Variants in MGMT observed in about 807,000 individuals in gnomAD.
MGMT encodes O-6-methylguanine-DNA methyltransferase.
Under a neutral mutation model 15.9 loss-of-function variants are expected in MGMT, and 14 were observed. The ratio of observed to expected loss-of-function variants is 0.88; its 90% CI spans 0.58 to 1.37. MGMT has a LOEUF of 1.37. MGMT is among the 40% of genes most tolerant of loss of function. The pLI is 0.00. For missense variants in MGMT, 282 were observed against 268.1 expected (o/e 1.05, Z -0.36); for synonymous variants, 130 against 118.2 (o/e 1.10, Z -0.65).
chr10:129,525,628 G>T (rs1050367011), intron 1 of MGMT, among the ~76,000 whole-genome samples: 1 of 152,062 alleles, frequency 6.6e-6, no homozygotes, highest in Non-Finnish European at 1.5e-5. Flanking sequence ...TGTGCGGTGC[G>T]GGGCCGGCTC....
intron 1 of MGMT, among the ~76,000 whole-genome samples, chr10:129,505,638 C>G (rs1845617538): frequency 1.3e-5 from 2 of 152,142 alleles, no homozygotes; most frequent in African/African-American, 4.8e-5. Context: ...CAAGTCTTTG[C>G]TTGCTTATTG....
At chr10:129,711,132 A>G (rs1848228168) in intron 3 of MGMT, among the ~76,000 whole-genome samples, 1 of 152,170 alleles carries the variant, frequency 6.6e-6, no homozygotes, top group South Asian at 2.1e-4. Flanking sequence ...TGCTGCTGAA[A>G]GACCCTCTCT....
intron 1 of MGMT, among the ~76,000 whole-genome samples, chr10:129,525,447 G>A (rs1036232380): frequency 4.6e-5 from 7 of 152,090 alleles, no homozygotes; most frequent in South Asian, 2.1e-4. Context: ...AATGTGCCAC[G>A]CGTCAGGTGT....
At chr10:129,615,408 A>G (rs975494432) in intron 2 of MGMT, among the ~76,000 whole-genome samples, 1 of 151,912 alleles carries the variant, frequency 6.6e-6, no homozygotes, top group African/African-American at 2.4e-5. Flanking sequence ...GAGGGTGGTT[A>G]TTTTACTCAG....
intron 2 of MGMT, among the ~76,000 whole-genome samples, chr10:129,657,845 G>A (rs1437984642): frequency 1.3e-5 from 2 of 152,112 alleles, no homozygotes; most frequent in African/African-American, 4.8e-5. Context: ...TGGAGATGCT[G>A]GGAATGGGAG....
chr10:129,590,972 GTGTC>G (rs1351274495), intron 2 of MGMT, among the ~76,000 whole-genome samples: 1 of 152,218 alleles, frequency 6.6e-6, no homozygotes, highest in African/African-American at 2.4e-5. Flanking sequence ...TAGTCAAAAA[GTGTC>G]TGAAAATGAC....
At chr10:129,749,603 A>C (rs1338256207) in intron 3 of MGMT, among the ~76,000 whole-genome samples, 2 of 152,256 alleles carry the variant, frequency 1.3e-5, no homozygotes, top group South Asian at 2.1e-4. Flanking sequence ...GGTTTTTGTG[A>C]GGATGTCAGT....
At chr10:129,698,225 C>T (rs752730064) in intron 2 of MGMT, among the ~76,000 whole-genome samples, 6 of 152,162 alleles carry the variant, frequency 3.9e-5, no homozygotes, top group Non-Finnish European at 7.3e-5. Context: ...TCAGGGCAGG[C>T]GGTTGCTACT....
intron 2 of MGMT, among the ~76,000 whole-genome samples, chr10:129,613,296 C>T (rs559750510): frequency 5.9e-5 from 9 of 152,282 alleles, no homozygotes; most frequent in African/African-American, 2.2e-4. Context: ...TCTTTGCTGT[C>T]CAGTGATTAA....
At chr10:129,660,799 C>T (rs575213489) in intron 2 of MGMT, among the ~76,000 whole-genome samples, 15 of 150,450 alleles carry the variant, frequency 1.0e-4, no homozygotes, top group East Asian at 7.7e-4. Flanking sequence ...CACACACACA[C>T]GCACACACAT....
chr10:129,715,950 G>A (rs972446049), intron 3 of MGMT, among the ~76,000 whole-genome samples: 7 of 152,200 alleles, frequency 4.6e-5, no homozygotes, highest in African/African-American at 9.6e-5. Flanking sequence ...AAATATTTAC[G>A]TAGAGGGAAC....
intron 2 of MGMT, among the ~76,000 whole-genome samples, chr10:129,602,441 C>T (rs947444597): frequency 6.6e-6 from 1 of 152,094 alleles, no homozygotes; most frequent in African/African-American, 2.4e-5. Flanking sequence ...TTGGTGTGCT[C>T]CTCTTGTGAG....
chr10:129,500,415 T>A (rs66633114), intron 1 of MGMT, among the ~76,000 whole-genome samples: 3 of 152,002 alleles, frequency 2.0e-5, no homozygotes, highest in Non-Finnish European at 2.9e-5. Flanking sequence ...GACTTTAGGC[T>A]TCTACTGCTC....
chr10:129,543,257 G>A (rs10764889), intron 2 of MGMT, among the ~76,000 whole-genome samples: 63,222 of 150,074 alleles, frequency 0.42, 13,663 homozygotes, highest in East Asian at 0.7. Context: ...TTAAGTGAGG[G>A]TATGGCGTGA....
intron 3 of MGMT, among the ~76,000 whole-genome samples, chr10:129,733,140 TC>T (rs1161966201): frequency 7.2e-6 from 1 of 138,214 alleles, no homozygotes; most frequent in Non-Finnish European, 1.6e-5. Context: ...CACACTGACT[TC>T]CACAATGGTT....
In MGMT at chr10:129,769,062, G is replaced by A. The variant is rs138579982; in HGVS notation, c.*2065G>A. On this transcript the variant is annotated 3_prime_UTR_variant, in exon 5 of 5. Coordinates refer to ENST00000651593, the MANE Select transcript of MGMT (RefSeq NM_002412.5). ...GCTCCTGGTGGCAGGGGACCTGCCC[G>A]TCAAAGCCGTCCAAGGTGAGCCAGC... 1.9e-4 allele frequency: 29 copies of A among 152,848 alleles called. No homozygotes were observed. In the East Asian group the frequency reaches 4.2e-3, roughly 22 times the overall value. 9.5% of individuals were successfully genotyped at this position (152,848 alleles called of 1,614,324 possible).
chr10:129,758,197 G>A (rs1282327789), intron 3 of MGMT, among the ~76,000 whole-genome samples: 1 of 152,100 alleles, frequency 6.6e-6, no homozygotes, highest in Non-Finnish European at 1.5e-5. Context: ...ACATGTAAGG[G>A]TGTGTTTCCT....
chr10:129,582,684 T>G (rs985599642), intron 2 of MGMT, among the ~76,000 whole-genome samples: 1 of 152,098 alleles, frequency 6.6e-6, no homozygotes, highest in Non-Finnish European at 1.5e-5. Context: ...TGTTACTGCT[T>G]TTTGGTATCT....
chr10:129,731,356 C>CTTTTTTT (rs547636043), intron 3 of MGMT, among the ~76,000 whole-genome samples: 9 of 96,998 alleles, frequency 9.3e-5, no homozygotes, highest in East Asian at 3.3e-4. Flanking sequence ...AAACCTAAGA[C>CTTTTTTT]TTTTTTTTTT....
Sources: gnomAD v4.1 joint callset for allele counts (sites outside exome capture counted in the v4.1 genomes callset) on GRCh38, gnomAD v4.1.1 for gene constraint, MANE v1.5 for transcripts, NCBI Gene and HGNC (gene_info 2026-07-23, HGNC 2026-07-21) for gene names.